The following HBS1L variants were observed in gnomAD, a reference collection of about 807,000 sequenced individuals.
HBS1L encodes HBS1 like translational GTPase.
Under a neutral mutation model 88.9 loss-of-function variants are expected in HBS1L, and 55 were observed. The ratio of observed to expected loss-of-function variants is 0.62; its 90% CI spans 0.50 to 0.77. HBS1L has a LOEUF of 0.77. HBS1L is among the 30% of genes least tolerant of loss of function. The pLI is 0.00. For missense variants in HBS1L, 741 were observed against 829.3 expected (o/e 0.89, Z 1.31); for synonymous variants, 267 against 288.5 (o/e 0.93, Z 0.76).
intron 4 of HBS1L, among the ~76,000 whole-genome samples, chr6:135,034,871 G>A (rs1776487951): frequency 6.6e-6 from 1 of 152,124 alleles, no homozygotes. Flanking sequence ...TTCTCGAACA[G>A]AAATACACAT....
rs58274929 is a variant in HBS1L at position 134,961,090 on chromosome 6, C to CTTTTTTTTTTTT, written c.*4177_*4188dup. On this transcript the variant is annotated 3_prime_UTR_variant, in exon 18 of 18. Transcript: ENST00000367837. ...TTGCTGTACAGACTTAGTTTCTTTG[C>CTTTTTTTTTTTT]TTTTTTTTTTTTTTTTTTTGCATTG... The CTTTTTTTTTTTT allele has an allele frequency of 2.7e-4, 29 of 106,238 alleles. 1 individual carries two copies. The highest frequency in any genetic ancestry group is 2.9e-4 in the Non-Finnish European group (16 of 54,256). 6.6% of individuals were successfully genotyped at this position (106,238 alleles called of 1,614,324 possible). A position where few individuals can be genotyped will look rare whatever the true frequency, so the allele number is the denominator to read the frequency against.
At chr6:135,030,296 A>C (rs1776347677) in intron 4 of HBS1L, among the ~76,000 whole-genome samples, 1 of 152,322 alleles carries the variant, frequency 6.6e-6, no homozygotes, top group African/African-American at 2.4e-5. Flanking sequence ...GGTGGTAATA[A>C]AGGGAGAACG....
chr6:134,980,116 C>T (rs1583067504), intron 13 of HBS1L, among the ~76,000 whole-genome samples: 1 of 151,944 alleles, frequency 6.6e-6, no homozygotes, highest in East Asian at 1.9e-4. Flanking sequence ...GGCCTTTTGA[C>T]AAAGAGAATG....
At chr6:135,019,921 A>T (rs879309321) in intron 4 of HBS1L, among the ~76,000 whole-genome samples, 1 of 151,922 alleles carries the variant, frequency 6.6e-6, no homozygotes, top group Non-Finnish European at 1.5e-5. Context: ...ATGTAGATGT[A>T]TAACTATTGT....
chr6:134,993,558 A>C (rs1412720597), intron 8 of HBS1L, among the ~76,000 whole-genome samples, 200 bp downstream of exon 8: 1 of 152,186 alleles, frequency 6.6e-6, no homozygotes, highest in East Asian at 1.9e-4. Context: ...CTTTGTAAGA[A>C]ATTTTAAAAG....
intron 4 of HBS1L, among the ~76,000 whole-genome samples, chr6:135,021,616 T>A (rs1776073817): frequency 6.6e-6 from 1 of 152,052 alleles, no homozygotes; most frequent in Non-Finnish European, 1.5e-5. Context: ...ATAAAGCTGG[T>A]TTCCTTGACA....
At chr6:135,025,598 C>T (rs1776204781) in intron 4 of HBS1L, among the ~76,000 whole-genome samples, 1 of 152,168 alleles carries the variant, frequency 6.6e-6, no homozygotes, top group Non-Finnish European at 1.5e-5. Flanking sequence ...TCAGTCACCA[C>T]ACCCCTCCCA....
At chr6:135,027,218 AAAAGAAAAAAT>A (rs1776259185) in intron 4 of HBS1L, 21 of 133,728 alleles carry the variant, frequency 1.6e-4, no homozygotes, top group African/African-American at 6.7e-4. Context: ...AAAAAAAAAG[AAAAGAAAAAAT>A]AGCTAACAGA....
At chr6:135,025,272 G>T (rs568183586) in intron 4 of HBS1L, among the ~76,000 whole-genome samples, 2 of 152,282 alleles carry the variant, frequency 1.3e-5, no homozygotes, top group Non-Finnish European at 2.9e-5. Flanking sequence ...CAGAAATGTG[G>T]ATCAAACTGA....
At chr6:135,047,846 CTAATATT>C (rs1562319215) in intron 2 of HBS1L, among the ~76,000 whole-genome samples, 1 of 152,220 alleles carries the variant, frequency 6.6e-6, no homozygotes, top group Non-Finnish European at 1.5e-5. Flanking sequence ...TTTGTCACCT[CTAATATT>C]TAAGTTACCT....
intron 15 of HBS1L, among the ~76,000 whole-genome samples, chr6:134,970,456 T>C (rs1040367488): frequency 1.4e-4 from 21 of 152,246 alleles, no homozygotes; most frequent in South Asian, 2.1e-4. Context: ...TTAACAATCT[T>C]CCACCCCTAA....
intron 2 of HBS1L, among the ~76,000 whole-genome samples, chr6:135,044,977 A>G (rs1325109389): frequency 6.6e-6 from 1 of 152,110 alleles, no homozygotes; most frequent in East Asian, 1.9e-4. Context: ...ATACGACCAC[A>G]CACACCCAAC....
chr6:135,050,671 A>T, intron 1 of HBS1L, 24 bp from the exon 2 acceptor site: 1 of 1,439,484 alleles, frequency 6.9e-7, no homozygotes, highest in Non-Finnish European at 9.6e-7. Flanking sequence ...AAAAGAGATA[A>T]ATTCATTTAC....
Position 134,986,783 on chromosome 6 carries a change from C to T in HBS1L, c.1258G>A (p.Glu420Lys), listed in dbSNP as rs775958226. The change falls in exon 10 of 18, where the codon GAG (glutamate) becomes AAG (lysine). Residue 420 changes from glutamate to lysine, a missense_variant. Coordinates refer to ENST00000367837, the MANE Select transcript of HBS1L (RefSeq NM_006620.4). ...QVNWQQERFQ[E>K]ITGKLGHFLK... ...AAGTGCCCAAGTTTTCCAGTAATCT[C>T]TTGAAACCTTTCTTGTTGCCAATTA... The T allele has an allele frequency of 6.4e-7, 1 of 1,571,012 alleles. No homozygotes were observed. The highest frequency in any genetic ancestry group is 1.2e-5 in the South Asian group (1 of 83,710).
chr6:135,009,842 C>T (rs1353508138), intron 4 of HBS1L, among the ~76,000 whole-genome samples: 1 of 150,988 alleles, frequency 6.6e-6, no homozygotes, highest in Non-Finnish European at 1.5e-5. Context: ...TGGGGTTTCA[C>T]TGTGGTCTCG....
chr6:135,031,545 T>C (rs1429304106), intron 4 of HBS1L, among the ~76,000 whole-genome samples: 1 of 152,000 alleles, frequency 6.6e-6, no homozygotes, highest in Non-Finnish European at 1.5e-5. Context: ...TTCCTGATTT[T>C]GGTTAACTAG....
At chr6:135,049,169 G>T (rs1393708728) in intron 2 of HBS1L, among the ~76,000 whole-genome samples, 2 of 152,178 alleles carry the variant, frequency 1.3e-5, no homozygotes, top group Non-Finnish European at 2.9e-5. Flanking sequence ...CAGTTCAGAG[G>T]CTAGGAAGTC....
chr6:135,025,858 A>G (rs1183476641), intron 4 of HBS1L, among the ~76,000 whole-genome samples: 3 of 152,204 alleles, frequency 2.0e-5, no homozygotes, highest in South Asian at 4.1e-4. Context: ...AGGATAAAAT[A>G]AAGATGATAA....
rs1372377194 is a variant in HBS1L at position 134,986,062 on chromosome 6, T to C, written c.1423+4A>G. 1.6e-6 allele frequency: 2 copies of C among 1,232,558 alleles called. No individual in the cohort carries two copies. The highest frequency in any genetic ancestry group is 1.5e-5 in the African/African-American group (1 of 66,532). 76.4% of individuals were successfully genotyped at this position (1,232,558 alleles called of 1,614,324 possible). On this transcript the variant is annotated splice_donor_region_variant and intron_variant, in intron 11 of 17. Coordinates refer to ENST00000367837, the MANE Select transcript of HBS1L (RefSeq NM_006620.4). ...CATTAAAGCTAGAATGGCAGTATAC[T>C]TACCAATTTGTTCTAATAAACATAG...
Sources: allele counts gnomAD v4.1 joint callset (sites outside exome capture counted in the v4.1 genomes callset), GRCh38; gene constraint gnomAD v4.1.1; transcripts MANE v1.5; gene names NCBI Gene and HGNC (gene_info 2026-07-23, HGNC 2026-07-21).